TRIOBP: variants seen among roughly 807,000 people sequenced by gnomAD.
TRIOBP encodes TRIO and F-actin-binding protein.
Under a neutral mutation model 238.8 loss-of-function variants are expected in TRIOBP, and 169 were observed. That is an observed-to-expected ratio of 0.71 (90% confidence interval 0.62 to 0.80). The LOEUF (loss-of-function observed/expected upper bound fraction) is 0.80. Among genes scored for constraint, TRIOBP ranks in the 30% least tolerant of loss-of-function variants. The pLI is 0.00. For missense variants in TRIOBP, 2,838 were observed against 3,122.6 expected, an observed-to-expected ratio of 0.91 and a Z score of 2.17; for synonymous variants, 1,150 against 1,274.4, an observed-to-expected ratio of 0.90 and a Z score of 2.08.
At position 37,768,176 on chromosome 22, in the gene TRIOBP, A is replaced by G. The variant is rs776764059; in HGVS notation, c.6575A>G (p.Gln2192Arg). 9.3e-6 allele frequency: 15 copies of G among 1,610,890 alleles called. No homozygotes were observed. The highest frequency in any genetic ancestry group is 1.3e-5 in the Non-Finnish European group (15 of 1,178,448). The change falls in exon 19 of 24, where the codon CAG (glutamine) becomes CGG (arginine). Residue 2192 changes from glutamine (Q) to arginine (R), a missense_variant and splice_region_variant. Physicochemically the swap from Gln to Arg is conservative, Grantham distance 43. Transcript: ENST00000644935. ...CCGGATGGCCTCCGGAAGCAGCACC[A>G]GTAAGATGATGCCGGGGCCCAACTG... ...QGPDGLRKQH[Q>R]SDVEALKREL...
At chr22:37,711,338 G>A (rs1212515631) in intron 4 of TRIOBP, among the ~76,000 whole-genome samples, 1 of 151,750 alleles carries the variant, frequency 6.6e-6, no homozygotes, top group Non-Finnish European at 1.5e-5. Context: ...CAGAACTTTG[G>A]GAGGCCAAGG....
Position 37,725,492 on chromosome 22 carries a change from C to T in TRIOBP, c.2936C>T (p.Ser979Phe), listed in dbSNP as rs867236153. Residue 979 changes from serine (S) to phenylalanine (F), a missense_variant, in exon 7 of 24, where the codon TCC becomes TTC. By Grantham distance (155) the Ser-to-Phe change is radical (BLOSUM62 -2). Coordinates refer to ENST00000644935, the MANE Select transcript of TRIOBP (RefSeq NM_001039141.3). The part of the protein sequence containing the change: ...QYNLPSRATS[S>F]SHNPGHQSTS... ...AACTTGCCATCCCGGGCCACCTCTT[C>T]CTCCCATAACCCAGGCCACCAGAGC... 1.9e-6 allele frequency: 3 copies of T among 1,613,598 alleles called. No individual in the cohort carries two copies. Among genetic ancestry groups the T allele is most frequent in the East Asian group, 2.2e-5 (1 of 44,868 alleles).
At position 37,769,290 on chromosome 22, in the gene TRIOBP, T is replaced by C. The variant is rs1247290921; in HGVS notation, c.6764T>C (p.Ile2255Thr). ...QELHGRLSEE[I>T]DQLRGFIASQ... ...CTGCATGGCCGCCTGTCAGAGGAGA[T>C]AGACCAGCTGCGCGGCTTCATTGCC... The change falls in exon 21 of 24, where the codon ATA (isoleucine) becomes ACA (threonine). Residue 2255 changes from isoleucine (I) to threonine (T), a missense_variant. This residue lies in a region of TRIOBP where 2,096 missense variants were observed against 2,137.4 expected (regional missense o/e 0.98). Coordinates refer to ENST00000644935, the MANE Select transcript of TRIOBP (RefSeq NM_001039141.3). The C allele has an allele frequency of 6.2e-7, 1 of 1,611,950 alleles. No homozygotes were observed. Among genetic ancestry groups the C allele is most frequent in the Non-Finnish European group, 8.5e-7 (1 of 1,179,506 alleles).
intron 23 of TRIOBP, among the ~76,000 whole-genome samples, chr22:37,773,177 GTGGTTGGTTGGTTGGTTGGTTGGTTGGT>G (rs3041692): frequency 1.3e-5 from 2 of 150,076 alleles, no homozygotes; most frequent in South Asian, 2.1e-4. Flanking sequence ...AGGGCTCAAA[GTGGTTGGTTGGTTGGTTGGTTGGTTGGT>G]TGGTTGGTTG....
At chr22:37,756,765 G>T (rs1437864156) in intron 15 of TRIOBP, among the ~76,000 whole-genome samples, 6 of 151,022 alleles carry the variant, frequency 4.0e-5, no homozygotes, top group Admixed American at 6.5e-5. Context: ...GTAGTTTTTG[G>T]CAGGGTGACC....
At chr22:37,738,856 T>C in intron 10 of TRIOBP, 137 bp downstream of exon 10, 1 of 919,712 alleles carries the variant, frequency 1.1e-6, no homozygotes, top group Non-Finnish European at 1.7e-6. Flanking sequence ...TCTATGTGCA[T>C]GGTGGGGCCT....
Position 37,723,619 on chromosome 22 carries a change from A to G in TRIOBP, c.1063A>G (p.Arg355Gly). The change falls in exon 7 of 24, where the codon AGA (arginine) becomes GGA (glycine). Residue 355 changes from arginine to glycine, a missense_variant. Arg to Gly is a moderately radical substitution (Grantham distance 125). Transcript: ENST00000644935. Reference sequence around the variant, plus strand: ...ACGAAGCACCCAACTGGATAACCCCAGAACCTCTTCTACCCAGCAGGACAA... The same window carrying G: ...ACGAAGCACCCAACTGGATAACCCCGGAACCTCTTCTACCCAGCAGGACAA... Reference protein sequence around the residue: ...PSRSTQLDNPRTSSTQQDNPQ... With the variant: ...PSRSTQLDNPGTSSTQQDNPQ... 6.2e-7 allele frequency: 1 copy of G among 1,614,090 alleles called. No individual in the cohort carries two copies. Among genetic ancestry groups the G allele is most frequent in the Non-Finnish European group, 8.5e-7 (1 of 1,180,022 alleles).
intron 3 of TRIOBP, among the ~76,000 whole-genome samples, chr22:37,706,994 G>A (rs779200368): frequency 2.4e-4 from 37 of 152,224 alleles, no homozygotes; most frequent in Middle Eastern, 3.4e-3. Context: ...TGGGCCGGGC[G>A]CGGTGGCTCA....
At chr22:37,704,249 G>A (rs917082411) in intron 3 of TRIOBP, among the ~76,000 whole-genome samples, 5 of 152,152 alleles carry the variant, frequency 3.3e-5, no homozygotes, top group African/African-American at 1.2e-4. Context: ...TGGGCGTAGT[G>A]GGATGCGGCT....
chr22:37,706,178 T>C (rs768410386), intron 3 of TRIOBP, among the ~76,000 whole-genome samples: 15 of 151,930 alleles, frequency 9.9e-5, no homozygotes, highest in Admixed American at 4.6e-4. Context: ...TTGGGAGGTC[T>C]GTTTGGAGTT....
rs200119998 is a variant in TRIOBP, at chr22:37,735,322, C to G, written c.4986C>G (p.Thr1662=). The G allele has an allele frequency of 1.9e-5, 31 of 1,613,276 alleles. No individual in the cohort carries two copies. The highest frequency in any genetic ancestry group is 2.5e-5 in the Non-Finnish European group (30 of 1,179,726). Residue 1662 remains threonine, a synonymous_variant, in exon 9 of 24, where the codon ACC becomes ACG. Coordinates refer to ENST00000644935, the MANE Select transcript of TRIOBP (RefSeq NM_001039141.3). ...TGCCCAGCCCTGCCTGCACCTCCAC[C>G]CAGTGGCCAAAGATCAAAGTGACAA... ...VQLPSPACTS[T]QWPKIKVTRG... is the part of the protein sequence containing the mutation.
At chr22:37,718,124 G>A (rs1262470377) in intron 6 of TRIOBP, among the ~76,000 whole-genome samples, 1 of 152,156 alleles carries the variant, frequency 6.6e-6, no homozygotes, top group African/African-American at 2.4e-5. Context: ...GGGCCAGCCG[G>A]CCGCTCCGAG....
At position 37,723,689 on chromosome 22, in the gene TRIOBP, C is replaced by T; in HGVS notation, c.1133C>T (p.Pro378Leu). The part of the protein sequence containing the change: ...FPTCTPQREN[P>L]RTPCVQQDDP... The stretch of plus-strand genomic sequence containing the variant: ...ACTTGTACTCCCCAGCGGGAAAACC[C>T]CAGGACACCCTGTGTCCAGCAGGAC... Residue 378 changes from proline to leucine, a missense_variant, in exon 7 of 24, where the codon CCC (proline) becomes CTC (leucine). By Grantham distance (98) the Pro-to-Leu change is moderately conservative (BLOSUM62 -3). This residue lies in a region of TRIOBP where 535 missense variants were observed against 537.3 expected (regional missense o/e 1.00). Coordinates refer to ENST00000644935, the MANE Select transcript of TRIOBP (RefSeq NM_001039141.3). 1 of 1,614,106 alleles carries T rather than the reference C, an allele frequency of 6.2e-7. No individual in the cohort carries two copies. Among genetic ancestry groups the T allele is most frequent in the South Asian group, 1.1e-5 (1 of 91,080 alleles).
At chr22:37,740,799 T>TG (rs1924896326) in intron 10 of TRIOBP, 96 bp from the exon 11 acceptor site, 13 of 1,526,832 alleles carry the variant, frequency 8.5e-6, no homozygotes, top group Admixed American at 2.0e-5. Flanking sequence ...GGCTCCATGG[T>TG]GGGGGGCACC....
At chr22:37,734,365 G>T in intron 8 of TRIOBP, 34 bp from the exon 9 acceptor site, 1 of 1,597,114 alleles carries the variant, frequency 6.3e-7, no homozygotes, top group South Asian at 1.1e-5. Flanking sequence ...TCCCCAGAGA[G>T]AGAGCCTCAC....
At chr22:37,726,759 G>A (rs1025726934) in intron 7 of TRIOBP, among the ~76,000 whole-genome samples, 7 of 152,190 alleles carry the variant, frequency 4.6e-5, no homozygotes, top group Non-Finnish European at 1.0e-4. Flanking sequence ...GGAGGGCTGA[G>A]TCCAAATCCT....
chr22:37,762,353 CTGCACTGG>C (rs1926287687), intron 17 of TRIOBP, among the ~76,000 whole-genome samples: 2 of 152,202 alleles, frequency 1.3e-5, no homozygotes, highest in Non-Finnish European at 2.9e-5. Context: ...AGTGTGACCA[CTGCACTGG>C]CCCACCTTTG....
rs372050770 is a variant in TRIOBP, at chr22:37,725,252, G to T, written c.2696G>T (p.Arg899Leu). The change falls in exon 7 of 24, where the codon CGT becomes CTT. Residue 899 changes from arginine to leucine, a missense_variant. Around this residue, in one of 5 missense-constraint regions of TRIOBP, gnomAD observed 2,096 missense variants for 2,137.4 expected, o/e 0.98. Transcript: ENST00000644935. ...AATCCCAGGAATTCATCTCCCCATCGTACTAACAAAGACATCCCCTGGGCC... is the reference window on the plus strand; with the variant it reads ...AATCCCAGGAATTCATCTCCCCATCTTACTAACAAAGACATCCCCTGGGCC... ...WNNPRNSSPH[R>L]TNKDIPWASF... is the part of the protein sequence containing the mutation. The T allele has an allele frequency of 1.2e-6, 2 of 1,613,924 alleles. No homozygotes were observed. Among genetic ancestry groups the T allele is most frequent in the African/African-American group, 1.3e-5 (1 of 74,982 alleles).
chr22:37,732,181 G>C (rs1412436926), intron 7 of TRIOBP, among the ~76,000 whole-genome samples: 5 of 152,138 alleles, frequency 3.3e-5, no homozygotes, highest in Non-Finnish European at 7.3e-5. Flanking sequence ...GATATGCCCA[G>C]GTTCTGTTTG....
Sources: gnomAD v4.1 joint callset for allele counts (sites outside exome capture counted in the v4.1 genomes callset) on GRCh38, gnomAD v4.1.1 for gene constraint, gnomAD v4.1.1 regional missense constraint, MANE v1.5 for transcripts, NCBI Gene and HGNC (gene_info 2026-07-23, HGNC 2026-07-21) for gene names.